CNTN5: variants seen among roughly 807,000 people sequenced by gnomAD.
The protein encoded by CNTN5 is contactin 5, also known as contactin-5.
CNTN5 carries 77 observed loss-of-function variants against 129.1 expected under a neutral mutation model. The observed-to-expected ratio is 0.60, with a 90% CI of 0.50 to 0.72. The LOEUF (loss-of-function observed/expected upper bound fraction) is 0.72. Ranked by LOEUF, CNTN5 falls within the 30% of genes least tolerant of loss-of-function variation. The probability of loss-of-function intolerance (pLI) is 0.00; values close to 1 mark genes in which losing one functional copy is unlikely to be tolerated. For synonymous variants in CNTN5, 509 were observed against 465.6 expected (o/e 1.09, Z -1.20); for missense variants, 1,478 against 1,328.8 (o/e 1.11, Z -1.75).
intron 1 of CNTN5, among the ~76,000 whole-genome samples, chr11:99,226,561 A>T (rs17133316): frequency 0.017 from 2,642 of 152,274 alleles, 43 homozygotes; most frequent in African/African-American, 0.038. Flanking sequence ...CCTCGATAAC[A>T]GGCCATATTC....
intron 9 of CNTN5, among the ~76,000 whole-genome samples, chr11:100,042,134 C>G (rs986485945): frequency 1.3e-5 from 2 of 151,958 alleles, no homozygotes; most frequent in Non-Finnish European, 2.9e-5. Flanking sequence ...GGTTTCCAGA[C>G]TTTTTCAAAG....
intron 17 of CNTN5, among the ~76,000 whole-genome samples, chr11:100,270,053 G>A (rs1950380769): frequency 6.6e-6 from 1 of 152,132 alleles, no homozygotes; most frequent in East Asian, 1.9e-4. Flanking sequence ...AGGGAACAGA[G>A]TTGTTTTTTG....
chr11:99,193,942 G>T (rs1320881273), intron 1 of CNTN5, among the ~76,000 whole-genome samples: 2 of 151,932 alleles, frequency 1.3e-5, no homozygotes, highest in Non-Finnish European at 2.9e-5. Flanking sequence ...TCATTCTCAA[G>T]AAAATGTTTT....
Position 99,436,675 on chromosome 11 carries a change from A to G in CNTN5, c.-71+111191A>G, listed in dbSNP as rs546430435. On this transcript the variant is annotated intron_variant, in intron 2 of 24. Transcript: ENST00000524871. ...ACTTCTGACAATATGCCCCTTTCAT[A>G]TCTAATGAGGACAATAATAATATGT... Among the ~76,000 whole-genome samples, 26 of 152,292 alleles carry G rather than the reference A, an allele frequency of 1.7e-4. No individual in the cohort carries two copies. The East Asian group carries it at 5.0e-3, about 29-fold the overall frequency.
intron 6 of CNTN5, among the ~76,000 whole-genome samples, chr11:99,899,902 A>T (rs1309266246): frequency 6.6e-6 from 1 of 151,898 alleles, no homozygotes; most frequent in African/African-American, 2.4e-5. Flanking sequence ...TTACTGATTC[A>T]ATTTCATTAC....
intron 3 of CNTN5, among the ~76,000 whole-genome samples, chr11:99,666,047 C>T (rs1172373113): frequency 1.3e-5 from 2 of 152,036 alleles, no homozygotes; most frequent in Admixed American, 1.3e-4. Flanking sequence ...TCACTGCAAT[C>T]TCCACCTCCC....
At chr11:99,675,367 T>C (rs1953230917) in intron 3 of CNTN5, among the ~76,000 whole-genome samples, 1 of 152,016 alleles carries the variant, frequency 6.6e-6, no homozygotes, top group African/African-American at 2.4e-5. Context: ...CCTAAGGTTA[T>C]AGATAGATTT....
chr11:99,928,960 T>C (rs550779757), intron 7 of CNTN5, among the ~76,000 whole-genome samples: 1 of 152,320 alleles, frequency 6.6e-6, no homozygotes, highest in South Asian at 2.1e-4. Flanking sequence ...CCAAATGCTT[T>C]TAAGAGCACC....
At chr11:99,669,268 A>T (rs962889240) in intron 3 of CNTN5, among the ~76,000 whole-genome samples, 3 of 152,144 alleles carry the variant, frequency 2.0e-5, no homozygotes, top group Admixed American at 2.0e-4. Flanking sequence ...GAAAAGCTAT[A>T]AAAGATTGAG....
chr11:99,843,207 G>A (rs1789618853), intron 4 of CNTN5, among the ~76,000 whole-genome samples: 2 of 152,184 alleles, frequency 1.3e-5, no homozygotes, highest in Admixed American at 6.5e-5. Context: ...CAGAGTGGGA[G>A]TGAGACTCTC....
chr11:99,130,539 A>T (rs555421941), intron 1 of CNTN5, among the ~76,000 whole-genome samples: 1 of 152,150 alleles, frequency 6.6e-6, no homozygotes, highest in Non-Finnish European at 1.5e-5. Flanking sequence ...CCCTACTGTC[A>T]GTATGAGATC....
At chr11:100,079,548 A>C (rs1355713880) in intron 13 of CNTN5, among the ~76,000 whole-genome samples, 1 of 152,116 alleles carries the variant, frequency 6.6e-6, no homozygotes, top group African/African-American at 2.4e-5. Flanking sequence ...CCGACCAAAT[A>C]TTTACTTGTT....
chr11:100,054,334 T>C (rs1459191857), intron 9 of CNTN5, among the ~76,000 whole-genome samples: 1 of 151,788 alleles, frequency 6.6e-6, no homozygotes, highest in African/African-American at 2.4e-5. Flanking sequence ...AGAACAGTTT[T>C]TCAATTAATC....
At chr11:100,065,714 AG>A in intron 10 of CNTN5, among the ~76,000 whole-genome samples, 1 of 152,230 alleles carries the variant, frequency 6.6e-6, no homozygotes, top group East Asian at 1.9e-4. Flanking sequence ...TGAGACACTG[AG>A]AACCTGAACT....
At chr11:100,035,680 G>A (rs1480818845) in intron 9 of CNTN5, among the ~76,000 whole-genome samples, 16 of 143,466 alleles carry the variant, frequency 1.1e-4, no homozygotes, top group Admixed American at 5.6e-4. Flanking sequence ...GTGTGAGATG[G>A]TATCTCATTG....
At chr11:99,100,519 A>G (rs1940489) in intron 1 of CNTN5, among the ~76,000 whole-genome samples, 37,943 of 152,044 alleles carry the variant, frequency 0.25, 5,119 homozygotes, top group Non-Finnish European at 0.3. Context: ...AAATGATATC[A>G]TAGCATAATT....
At chr11:100,227,644 T>C (rs180901577) in intron 16 of CNTN5, among the ~76,000 whole-genome samples, 1 of 152,168 alleles carries the variant, frequency 6.6e-6, no homozygotes. Flanking sequence ...CACAGCACCA[T>C]GCATAATCTG....
At chr11:99,865,836 C>T (rs1948340674) in intron 6 of CNTN5, among the ~76,000 whole-genome samples, 1 of 151,946 alleles carries the variant, frequency 6.6e-6, no homozygotes, top group Non-Finnish European at 1.5e-5. Context: ...GTAGCTGTAA[C>T]CTGGTTTGGT....
chr11:99,984,967 A>G (rs1042841121), intron 8 of CNTN5, among the ~76,000 whole-genome samples: 2 of 152,196 alleles, frequency 1.3e-5, no homozygotes, highest in East Asian at 1.9e-4. Flanking sequence ...CCACTGCTCC[A>G]GGTGCTGGCA....
Sources: gnomAD v4.1 joint callset for allele counts (sites outside exome capture counted in the v4.1 genomes callset) on GRCh38, gnomAD v4.1.1 for gene constraint, MANE v1.5 for transcripts, NCBI Gene and HGNC (gene_info 2026-07-23, HGNC 2026-07-21) for gene names.